Variants in ADAM17 observed in about 807,000 individuals in gnomAD.
The protein encoded by ADAM17 is disintegrin and metalloproteinase domain-containing protein 17.
Under a neutral mutation model 96.7 loss-of-function variants are expected in ADAM17, and 39 were observed. That is an observed-to-expected ratio of 0.40 (90% CI 0.31 to 0.53). ADAM17 has a LOEUF of 0.53. Among genes scored for constraint, ADAM17 ranks in the 20% least tolerant of loss-of-function variants. The pLI is 0.44. For missense variants in ADAM17, 777 were observed against 1,013.2 expected, an observed-to-expected ratio of 0.77 and a Z score of 3.17; for synonymous variants, 344 against 359.2, an observed-to-expected ratio of 0.96 and a Z score of 0.48.
intron 10 of ADAM17, among the ~76,000 whole-genome samples, chr2:9,510,640 G>A (rs1319886126): frequency 6.6e-6 from 1 of 151,728 alleles, no homozygotes; most frequent in Non-Finnish European, 1.5e-5. Context: ...CTCCAGCCTG[G>A]GAGACAGGGC....
Position 9,555,759 on chromosome 2 carries a change from G to A in ADAM17, c.-154C>T. 1.7e-6 allele frequency: 1 copy of A among 588,356 alleles called. No homozygotes were observed. The allele number at this position is 588,356 out of a possible 1,614,324, so 36.4% of individuals were successfully genotyped here. A position where few individuals can be genotyped will look rare whatever the true frequency, so the allele number is the denominator to read the frequency against. On this transcript the variant is annotated 5_prime_UTR_variant, in exon 1 of 19. Coordinates refer to ENST00000310823, the MANE Select transcript of ADAM17 (RefSeq NM_003183.6). ...CGCCGCCTACTGGGAAGATTCTACCGCCAGGCTCGACGCCCCCAGAAGTGC... is the reference window on the plus strand; with the variant it reads ...CGCCGCCTACTGGGAAGATTCTACCACCAGGCTCGACGCCCCCAGAAGTGC...
chr2:9,509,598 C>T (rs1572912783), intron 11 of ADAM17, among the ~76,000 whole-genome samples: 2 of 152,132 alleles, frequency 1.3e-5, no homozygotes, highest in South Asian at 2.1e-4. Flanking sequence ...TTAATAAAAA[C>T]GTGTAAACTG....
chr2:9,516,750 C>T (rs7598565), intron 10 of ADAM17, among the ~76,000 whole-genome samples: 9,668 of 151,838 alleles, frequency 0.064, 1,092 homozygotes, highest in African/African-American at 0.22. Flanking sequence ...AAGACTCTGT[C>T]TCAAAAAAAA....
chr2:9,499,623 C>T (rs1057451292), intron 13 of ADAM17, among the ~76,000 whole-genome samples: 16 of 152,034 alleles, frequency 1.1e-4, no homozygotes, highest in African/African-American at 3.1e-4. Flanking sequence ...AGGATGGTCT[C>T]GATCTCCTGA....
intron 11 of ADAM17, among the ~76,000 whole-genome samples, chr2:9,508,708 T>C (rs990359340): frequency 6.6e-6 from 1 of 152,172 alleles, no homozygotes; most frequent in Non-Finnish European, 1.5e-5. Context: ...GCTACTATAC[T>C]GGGCAGAGCA....
At chr2:9,525,032 G>A (rs539735389) in intron 6 of ADAM17, among the ~76,000 whole-genome samples, 1 of 147,472 alleles carries the variant, frequency 6.8e-6, no homozygotes, top group South Asian at 2.1e-4. Context: ...AAAATAAGAG[G>A]AGCCCCTTAA....
At chr2:9,512,794 A>C (rs1385080217) in intron 10 of ADAM17, among the ~76,000 whole-genome samples, 4 of 152,144 alleles carry the variant, frequency 2.6e-5, no homozygotes, top group African/African-American at 9.7e-5. Flanking sequence ...TATGTAATGA[A>C]GCCTCCATAA....
At chr2:9,552,491 G>A (rs1028798092) in intron 1 of ADAM17, among the ~76,000 whole-genome samples, 4 of 152,168 alleles carry the variant, frequency 2.6e-5, no homozygotes, top group African/African-American at 4.8e-5. Context: ...GAGAAAGCCA[G>A]ATGTCAAAAT....
At chr2:9,493,941 C>T (rs1291716233) in intron 15 of ADAM17, 116 bp from the exon 16 acceptor site, 2 of 769,136 alleles carry the variant, frequency 2.6e-6, no homozygotes, top group African/African-American at 1.8e-5. Flanking sequence ...AAACGTTTTC[C>T]CATCTTTGAC....
intron 14 of ADAM17, 144 bp downstream of exon 14, chr2:9,496,970 C>A (rs1028197017): frequency 2.7e-5 from 34 of 1,259,750 alleles, no homozygotes; most frequent in Non-Finnish European, 3.5e-5. Context: ...TCTCCAGACA[C>A]CACCCTGCCC....
At chr2:9,497,281 T>G (rs774841140) in intron 13 of ADAM17, 33 bp from the exon 14 acceptor site, 2 of 1,612,490 alleles carry the variant, frequency 1.2e-6, no homozygotes, top group South Asian at 2.2e-5. Context: ...ACAAAAAGAA[T>G]GAGTCACAGG....
At chr2:9,551,710 C>T (rs780097139) in intron 1 of ADAM17, among the ~76,000 whole-genome samples, 4 of 152,178 alleles carry the variant, frequency 2.6e-5, no homozygotes, top group South Asian at 2.1e-4. Context: ...CCACCCAGCT[C>T]GGCCTCCCAA....
chr2:9,491,122 A>G lies in ADAM17; in HGVS notation c.2112T>C (p.Ser704=). The G allele has an allele frequency of 1.2e-6, 2 of 1,613,308 alleles. No homozygotes were observed. Among genetic ancestry groups the G allele is most frequent in the Non-Finnish European group, 1.7e-6 (2 of 1,179,366 alleles). ...TTACACTGGGGTGAAACAGAGACAG[A>G]GATTCATACTGTTTATCCAATTTCT... ...VDKKLDKQYE[S]LSLFHPSNVE... is the part of the protein sequence containing the mutation. The change falls in exon 18 of 19, where the codon TCT becomes TCC. Residue 704 remains serine (S), a synonymous_variant. Coordinates refer to ENST00000310823, the MANE Select transcript of ADAM17 (RefSeq NM_003183.6).
At chr2:9,527,148 C>T (rs908045337) in intron 5 of ADAM17, among the ~76,000 whole-genome samples, 1 of 152,092 alleles carries the variant, frequency 6.6e-6, no homozygotes, top group African/African-American at 2.4e-5. Flanking sequence ...CATGGTGAAA[C>T]CCCATCTCCA....
At chr2:9,544,958 A>G in intron 1 of ADAM17, among the ~76,000 whole-genome samples, 1 of 152,232 alleles carries the variant, frequency 6.6e-6, no homozygotes. Flanking sequence ...CAGTGCTGAA[A>G]TGCAATATGG....
At chr2:9,531,695 C>T (rs1218536230) in intron 4 of ADAM17, among the ~76,000 whole-genome samples, 2 of 151,940 alleles carry the variant, frequency 1.3e-5, no homozygotes, top group Non-Finnish European at 2.9e-5. Flanking sequence ...GAGCAAGACT[C>T]CATCTCAAAT....
intron 11 of ADAM17, 112 bp downstream of exon 11, chr2:9,509,867 C>A: frequency 2.2e-6 from 3 of 1,371,732 alleles, no homozygotes; most frequent in Non-Finnish European, 3.0e-6. Flanking sequence ...GTAATTTGCA[C>A]ATCCATCCCT....
intron 4 of ADAM17, among the ~76,000 whole-genome samples, chr2:9,531,061 G>A (rs937287968): frequency 6.6e-6 from 1 of 152,088 alleles, no homozygotes; most frequent in Admixed American, 6.5e-5. Context: ...AGGTTCAAGC[G>A]ATTCTCCCAC....
chr2:9,547,404 T>C (rs772952434), intron 1 of ADAM17, among the ~76,000 whole-genome samples: 3 of 152,074 alleles, frequency 2.0e-5, no homozygotes, highest in Non-Finnish European at 4.4e-5. Context: ...AAGACAGAAG[T>C]AGCCACAGAA....
Sources: allele counts gnomAD v4.1 joint callset (sites outside exome capture counted in the v4.1 genomes callset), GRCh38; gene constraint gnomAD v4.1.1; transcripts MANE v1.5; gene names NCBI Gene and HGNC (gene_info 2026-07-23, HGNC 2026-07-21).